Variants in GRM8 observed in about 807,000 individuals in gnomAD.
GRM8 encodes the protein metabotropic glutamate receptor 8.
GRM8 carries 47 observed loss-of-function variants against 87.2 expected under a neutral mutation model. The ratio of observed to expected loss-of-function variants is 0.54; its 90% confidence interval spans 0.43 to 0.69. The LOEUF (loss-of-function observed/expected upper bound fraction) is 0.69. Ranked by LOEUF, GRM8 falls within the 30% of genes least tolerant of loss-of-function variation. The probability of loss-of-function intolerance (pLI) is 0.00; values close to 1 mark genes in which losing one functional copy is unlikely to be tolerated. For synonymous variants in GRM8, 396 were observed against 404.5 expected (o/e 0.98, Z 0.25); for missense variants, 1,019 against 1,139.2 (o/e 0.89, Z 1.52).
intron 9 of GRM8, among the ~76,000 whole-genome samples, chr7:126,450,494 T>C (rs916977445): frequency 2.0e-5 from 3 of 151,902 alleles, no homozygotes; most frequent in African/African-American, 4.8e-5. Flanking sequence ...ACTGACAGCC[T>C]GTATTTCTCT....
chr7:127,013,948 C>A (rs1815144299), intron 3 of GRM8, among the ~76,000 whole-genome samples: 1 of 152,118 alleles, frequency 6.6e-6, no homozygotes, highest in African/African-American at 2.4e-5. Flanking sequence ...GCACCTAAGA[C>A]AAAGTGCATC....
intron 2 of GRM8, among the ~76,000 whole-genome samples, chr7:127,206,689 C>G (rs910595747): frequency 2.6e-5 from 4 of 152,132 alleles, no homozygotes; most frequent in Non-Finnish European, 4.4e-5. Context: ...ATCTTCTCAT[C>G]TGTAATTCAC....
At chr7:126,796,506 C>T (rs538274420) in intron 6 of GRM8, among the ~76,000 whole-genome samples, 3 of 152,018 alleles carry the variant, frequency 2.0e-5, no homozygotes, top group Non-Finnish European at 4.4e-5. Context: ...TCCTAATGAC[C>T]ATTTGTCATG....
chr7:126,601,405 T>A (rs1446782455), intron 8 of GRM8, among the ~76,000 whole-genome samples: 1 of 152,164 alleles, frequency 6.6e-6, no homozygotes, highest in Non-Finnish European at 1.5e-5. Flanking sequence ...TGTGCATGTG[T>A]CTTTATAGCA....
At chr7:126,736,544 C>T (rs758921811) in intron 7 of GRM8, among the ~76,000 whole-genome samples, 4 of 152,062 alleles carry the variant, frequency 2.6e-5, no homozygotes, top group Middle Eastern at 3.4e-3. Context: ...TTTATAACTG[C>T]AAACTGGATG....
chr7:127,006,701 T>C (rs1360451348), intron 3 of GRM8, among the ~76,000 whole-genome samples: 1 of 152,044 alleles, frequency 6.6e-6, no homozygotes, highest in Non-Finnish European at 1.5e-5. Flanking sequence ...ATTTTCTTTT[T>C]TCCTCAGTTT....
chr7:126,873,360 A>G (rs1450954861), intron 6 of GRM8, among the ~76,000 whole-genome samples: 1 of 152,162 alleles, frequency 6.6e-6, no homozygotes, highest in African/African-American at 2.4e-5. Context: ...AACTTATTTT[A>G]ATAACTGAAG....
chr7:126,909,243 A>G (rs543832760), intron 3 of GRM8, among the ~76,000 whole-genome samples: 1 of 152,230 alleles, frequency 6.6e-6, no homozygotes, highest in East Asian at 1.9e-4. Context: ...ACTTCATAAG[A>G]GGAAGAGGTT....
chr7:126,910,014 T>TA (rs1008219519), intron 3 of GRM8, among the ~76,000 whole-genome samples: 32 of 147,114 alleles, frequency 2.2e-4, no homozygotes, highest in African/African-American at 7.6e-4. Flanking sequence ...TTTTTTTTTT[T>TA]AAAACCCTGC....
At chr7:127,041,782 T>A (rs1041145251) in intron 3 of GRM8, among the ~76,000 whole-genome samples, 2 of 152,212 alleles carry the variant, frequency 1.3e-5, no homozygotes, top group African/African-American at 4.8e-5. Flanking sequence ...GGTTGGTTTA[T>A]GCAAATGAAC....
intron 10 of GRM8, 129 bp downstream of exon 10, chr7:126,445,997 G>T: frequency 9.6e-7 from 1 of 1,042,812 alleles, no homozygotes; most frequent in South Asian, 1.4e-5. Flanking sequence ...TGGTGTCACG[G>T]TATGTGAGTA....
chr7:127,095,256 G>C (rs1337231139), intron 3 of GRM8, among the ~76,000 whole-genome samples: 1 of 152,086 alleles, frequency 6.6e-6, no homozygotes, highest in African/African-American at 2.4e-5. Flanking sequence ...CCATACACAG[G>C]GTCCATCATG....
chr7:126,884,001 AT>A (rs1800255253), intron 6 of GRM8, among the ~76,000 whole-genome samples: 1 of 152,192 alleles, frequency 6.6e-6, no homozygotes, highest in African/African-American at 2.4e-5. Context: ...GCAAGAAGTT[AT>A]TAAGGGTGAA....
At chr7:126,458,212 C>T (rs1275690962) in intron 9 of GRM8, among the ~76,000 whole-genome samples, 3 of 150,956 alleles carry the variant, frequency 2.0e-5, no homozygotes, top group Admixed American at 2.0e-4. Flanking sequence ...CATTAGCAAA[C>T]ATAAATCATT....
At chr7:126,677,949 C>T (rs1807162421) in intron 7 of GRM8, among the ~76,000 whole-genome samples, 1 of 152,148 alleles carries the variant, frequency 6.6e-6, no homozygotes, top group Non-Finnish European at 1.5e-5. Context: ...TCACTGTTTC[C>T]TCTGATGGAA....
chr7:126,605,055 T>G (rs552973991), intron 8 of GRM8, among the ~76,000 whole-genome samples: 1 of 152,106 alleles, frequency 6.6e-6, no homozygotes, highest in East Asian at 1.9e-4. Context: ...CAAGAAAAAG[T>G]GGATCTGGTT....
chr7:126,539,850 A>C (rs1308902550), intron 8 of GRM8, among the ~76,000 whole-genome samples: 2 of 152,122 alleles, frequency 1.3e-5, no homozygotes, highest in Non-Finnish European at 2.9e-5. Flanking sequence ...AAAAACTCAT[A>C]GAAGAAAACA....
chr7:127,150,956 T>C (rs989245689), intron 2 of GRM8, among the ~76,000 whole-genome samples: 1 of 152,094 alleles, frequency 6.6e-6, no homozygotes, highest in African/African-American at 2.4e-5. Context: ...AAGAAGGTTG[T>C]TGTTTTTTTG....
At chr7:126,905,878 A>T (rs1031021694) in intron 3 of GRM8, among the ~76,000 whole-genome samples, 2 of 152,238 alleles carry the variant, frequency 1.3e-5, no homozygotes, top group African/African-American at 4.8e-5. Flanking sequence ...AAAGTGGAAC[A>T]TGTCTGGTGG....
Sources: allele counts gnomAD v4.1 joint callset (sites outside exome capture counted in the v4.1 genomes callset), GRCh38; gene constraint gnomAD v4.1.1; transcripts MANE v1.5; gene names NCBI Gene and HGNC (gene_info 2026-07-23, HGNC 2026-07-21).